The following TENM2 variants were observed in gnomAD, a reference collection of about 807,000 sequenced individuals.
TENM2 encodes the protein teneurin-2.
Under a neutral mutation model 245.2 loss-of-function variants are expected in TENM2, and 52 were observed. The ratio of observed to expected loss-of-function variants is 0.21; its 90% CI spans 0.17 to 0.27. TENM2 has a LOEUF of 0.27. Among genes scored for constraint, TENM2 ranks in the 10% least tolerant of loss-of-function variants. TENM2 has a pLI of 1.00. For synonymous variants in TENM2, 1,363 were observed against 1,438.9 expected, an observed-to-expected ratio of 0.95 and a Z score of 1.19; for missense variants, 3,046 against 3,666.8, an observed-to-expected ratio of 0.83 and a Z score of 4.37.
intron 2 of TENM2, among the ~76,000 whole-genome samples, chr5:167,527,233 G>A (rs1771182684): frequency 6.6e-6 from 1 of 152,010 alleles, no homozygotes; most frequent in Non-Finnish European, 1.5e-5. Flanking sequence ...GAAATATGAC[G>A]TAGGCCCTCA....
At chr5:168,057,572 A>G (rs113696327) in intron 6 of TENM2, among the ~76,000 whole-genome samples, 1 of 152,106 alleles carries the variant, frequency 6.6e-6, no homozygotes, top group Non-Finnish European at 1.5e-5. Flanking sequence ...TTCCACAAAC[A>G]TTTCGAAGTC....
intron 2 of TENM2, among the ~76,000 whole-genome samples, chr5:167,550,690 G>T (rs1549211): frequency 0.82 from 115,026 of 140,948 alleles, 46,865 homozygotes; most frequent in East Asian, 0.89. Context: ...CTTTTTTTTT[G>T]TTGTTGTTAG....
intron 2 of TENM2, among the ~76,000 whole-genome samples, chr5:167,649,548 G>A (rs143441980): frequency 3.3e-4 from 51 of 152,242 alleles, no homozygotes; most frequent in African/African-American, 1.1e-3. Flanking sequence ...GAAGTCTTTT[G>A]AGACTGTCTT....
At chr5:167,465,139 C>G (rs1345408123) in intron 2 of TENM2, among the ~76,000 whole-genome samples, 2 of 152,160 alleles carry the variant, frequency 1.3e-5, no homozygotes, top group Non-Finnish European at 2.9e-5. Context: ...TAATATCGGT[C>G]CTAAGCAGAG....
chr5:168,153,336 A>G (rs1435086995), intron 12 of TENM2, among the ~76,000 whole-genome samples: 1 of 152,206 alleles, frequency 6.6e-6, no homozygotes, highest in Non-Finnish European at 1.5e-5. Context: ...AGTGCGGCCC[A>G]GTTAAGACCC....
chr5:167,691,295 A>G (rs1757417255), intron 2 of TENM2, among the ~76,000 whole-genome samples: 2 of 152,152 alleles, frequency 1.3e-5, no homozygotes, highest in East Asian at 1.9e-4. Flanking sequence ...TGTAAGGACC[A>G]TCTCTCCTCT....
chr5:167,062,989 C>T, the TENM2 span, among the ~76,000 whole-genome samples: 16 of 152,164 alleles, frequency 1.1e-4, no homozygotes, highest in East Asian at 3.1e-3. Flanking sequence ...GAAGTCAGAC[C>T]CCCTTCTAGT....
chr5:166,985,206 G>A, the TENM2 span, among the ~76,000 whole-genome samples: 1 of 152,070 alleles, frequency 6.6e-6, no homozygotes, highest in East Asian at 1.9e-4. Flanking sequence ...ATTGTGTCCA[G>A]CTCATTTCTA....
chr5:168,214,894 T>C, intron 20 of TENM2, 146 bp from the exon 23 acceptor site: 1 of 720,998 alleles, frequency 1.4e-6, no homozygotes, highest in African/African-American at 1.7e-5. Context: ...GAACACTGAG[T>C]TTGATGTTAG....
At chr5:167,471,142 T>A (rs527869009) in intron 2 of TENM2, among the ~76,000 whole-genome samples, 1 of 152,330 alleles carries the variant, frequency 6.6e-6, no homozygotes, top group Admixed American at 6.5e-5. Flanking sequence ...TAATCTATAT[T>A]ATGAAGGAAG....
At chr5:167,441,124 T>C (rs970896117) in intron 2 of TENM2, among the ~76,000 whole-genome samples, 3 of 152,212 alleles carry the variant, frequency 2.0e-5, no homozygotes, top group Non-Finnish European at 2.9e-5. Flanking sequence ...AGAATCTTTC[T>C]AGGACTGCTC....
intron 2 of TENM2, among the ~76,000 whole-genome samples, chr5:167,644,050 A>G (rs1350630997): frequency 6.6e-6 from 1 of 152,124 alleles, no homozygotes; most frequent in Non-Finnish European, 1.5e-5. Context: ...GCTGCATGCA[A>G]TATAGTTACC....
At chr5:167,391,872 G>T (rs997007154) in intron 2 of TENM2, among the ~76,000 whole-genome samples, 9 of 152,032 alleles carry the variant, frequency 5.9e-5, no homozygotes, top group East Asian at 1.9e-4. Context: ...CATAGGAGTG[G>T]CCCATATATA....
intron 2 of TENM2, among the ~76,000 whole-genome samples, chr5:167,738,964 G>A (rs1052988090): frequency 6.6e-6 from 1 of 152,118 alleles, no homozygotes; most frequent in African/African-American, 2.4e-5. Flanking sequence ...ATATGAATGG[G>A]GGACACCATT....
At chr5:168,078,505 A>G (rs551624159) in intron 7 of TENM2, among the ~76,000 whole-genome samples, 2 of 152,276 alleles carry the variant, frequency 1.3e-5, no homozygotes, top group East Asian at 3.9e-4. Flanking sequence ...GCCCTTGCCC[A>G]TGCCTATGGC....
rs574726433 is a variant in TENM2, at chr5:167,680,210, TA to T, written c.503-195770del. Among the ~76,000 whole-genome samples the T allele has an allele frequency of 5.3e-5, 8 of 151,572 alleles. No individual in the cohort carries two copies. The East Asian group carries it at 1.6e-3, about 29-fold the overall frequency. On this transcript the variant is annotated intron_variant, in intron 2 of 28. Transcript: ENST00000518659. ...TAGTACTTGGCACTGGGCATGGTGA[TA>T]AAAAATCATGCCTGTCTTTATACGA...
the TENM2 span, among the ~76,000 whole-genome samples, chr5:167,149,889 A>G: frequency 6.6e-6 from 1 of 152,054 alleles, no homozygotes; most frequent in Non-Finnish European, 1.5e-5. Context: ...GAGGACAAGG[A>G]TTATTTTATT....
At chr5:167,592,797 A>G (rs544793720) in intron 2 of TENM2, among the ~76,000 whole-genome samples, 111 of 152,304 alleles carry the variant, frequency 7.3e-4, no homozygotes, top group African/African-American at 2.5e-3. Flanking sequence ...AATAAAATAC[A>G]TATTCTTTAC....
chr5:167,703,706 T>C (rs1161524638), intron 2 of TENM2, among the ~76,000 whole-genome samples: 1 of 152,196 alleles, frequency 6.6e-6, no homozygotes, highest in African/African-American at 2.4e-5. Context: ...AGTAGTATAC[T>C]AAATTAGTAC....
Sources: gnomAD v4.1 joint callset for allele counts (sites outside exome capture counted in the v4.1 genomes callset) on GRCh38, gnomAD v4.1.1 for gene constraint, MANE v1.5 for transcripts, NCBI Gene and HGNC (gene_info 2026-07-23, HGNC 2026-07-21) for gene names.